GSE1: variants seen among roughly 807,000 people sequenced by gnomAD.
GSE1 encodes genetic suppressor element 1.
A neutral mutation model predicts 112.6 loss-of-function variants in GSE1; 32 were observed. The ratio of observed to expected loss-of-function variants is 0.28; its 90% CI spans 0.21 to 0.38. GSE1 has a LOEUF of 0.38. Ranked by LOEUF, GSE1 falls within the 10% of genes least tolerant of loss-of-function variation. The probability of loss-of-function intolerance (pLI) is 1.00; values close to 1 mark genes in which losing one functional copy is unlikely to be tolerated. For missense variants in GSE1, 2,348 were observed against 1,699.2 expected (o/e 1.38, Z -6.71); for synonymous variants, 1,115 against 735.6 (o/e 1.52, Z -8.35).
upstream of GSE1, among the ~76,000 whole-genome samples, chr16:85,612,368 A>C (rs1017347195): frequency 2.0e-5 from 3 of 151,416 alleles, no homozygotes; most frequent in Non-Finnish European, 4.4e-5. Context: ...ATTCCAGTCA[A>C]GTGCCTGGGT....
chr16:85,246,446 CA>C (rs1905800018), intron 1 of GSE1, among the ~76,000 whole-genome samples: 1 of 76,918 alleles, frequency 1.3e-5, no homozygotes. Context: ...CACACACACA[CA>C]CACACACACA....
chr16:85,473,849 G>T (rs1194740712), intron 2 of GSE1, among the ~76,000 whole-genome samples: 1 of 152,072 alleles, frequency 6.6e-6, no homozygotes, highest in Non-Finnish European at 1.5e-5. Flanking sequence ...GGGGAGCAGG[G>T]CGCTGCAGGG....
rs1460908363 is a variant in GSE1 at position 85,408,749 on chromosome 16, C to T, written c.2464+51106C>T. Among the ~76,000 whole-genome samples, 2 of 62,458 alleles carry T rather than the reference C, an allele frequency of 3.2e-5. 1 individual carries two copies. Among genetic ancestry groups the T allele is most frequent in the Non-Finnish European group, 6.3e-5 (2 of 31,660 alleles). The allele number at this position is 62,458 out of a possible 152,430, so 41.0% of individuals were successfully genotyped here. A position where few individuals can be genotyped will look rare whatever the true frequency, so the allele number is the denominator to read the frequency against. ...ATAATCCTCACTGTCACTCTCAGGC[C>T]CCCCTGGATAATCCTCACTGTTGCA... On this transcript the variant is annotated intron_variant, in intron 2 of 2. Transcript: ENST00000637419.
At chr16:85,476,035 ATTC>A (rs1200803237) in intron 2 of GSE1, among the ~76,000 whole-genome samples, 2 of 152,054 alleles carry the variant, frequency 1.3e-5, no homozygotes, top group Admixed American at 6.6e-5. Flanking sequence ...GGCTAAGATG[ATTC>A]TCCCGCCTCA....
chr16:85,555,851 T>C (rs940651819), upstream of GSE1: 5 of 902,418 alleles, frequency 5.5e-6, no homozygotes, highest in Non-Finnish European at 6.6e-6. Context: ...AAATGAGTAA[T>C]CCCTGAAGAT....
intron 2 of GSE1, among the ~76,000 whole-genome samples, chr16:85,522,073 C>T (rs2052204210): frequency 6.6e-6 from 1 of 152,200 alleles, no homozygotes; most frequent in African/African-American, 2.4e-5. Flanking sequence ...CTTTGGAAGC[C>T]AGGCAGGCAT....
At chr16:85,331,533 A>ATG (rs199539029) in intron 1 of GSE1, among the ~76,000 whole-genome samples, 59,559 of 107,706 alleles carry the variant, frequency 0.55, 15,551 homozygotes, top group East Asian at 0.74. Context: ...ATATGTGTAT[A>ATG]TGTGTATATG....
chr16:85,413,743 G>A (rs550014764), intron 2 of GSE1, among the ~76,000 whole-genome samples: 1 of 152,278 alleles, frequency 6.6e-6, no homozygotes, highest in South Asian at 2.1e-4. Flanking sequence ...CCAGGGCAAG[G>A]AGGGTGATAT....
intron 2 of GSE1, among the ~76,000 whole-genome samples, chr16:85,401,532 C>T (rs930912258): frequency 2.6e-5 from 4 of 152,152 alleles, no homozygotes; most frequent in Non-Finnish European, 4.4e-5. Context: ...GAGAATGAGC[C>T]GGCCCAGAGG....
intron 2 of GSE1, among the ~76,000 whole-genome samples, chr16:85,400,173 A>G (rs945527180): frequency 6.6e-6 from 1 of 152,240 alleles, no homozygotes; most frequent in African/African-American, 2.4e-5. Context: ...ATGATCCGCC[A>G]GACGCCCCAC....
intron 2 of GSE1, among the ~76,000 whole-genome samples, chr16:85,407,917 A>C (rs1399204025): frequency 2.9e-5 from 1 of 34,300 alleles, no homozygotes; most frequent in African/African-American, 1.3e-4. Context: ...GATAATCCTC[A>C]CCGTTACTCT....
At position 85,477,767 on chromosome 16, in the gene GSE1, G is replaced by A. The variant is rs372465595; in HGVS notation, c.2464+120124G>A. On this transcript the variant is annotated intron_variant, in intron 2 of 2. Transcript: ENST00000637419. The stretch of plus-strand genomic sequence containing the variant: ...AGTAGAGACGGGGTTTCACTATGCT[G>A]GCCAGGCTGGTCTCGAACTCCTGAC... Among the ~76,000 whole-genome samples the A allele has an allele frequency of 4.5e-3, 685 of 151,958 alleles. 8 individuals are homozygous for A. The highest frequency in any genetic ancestry group is 0.016 in the African/African-American group (658 of 41,434).
rs117147143 is a variant in GSE1, at chr16:85,233,341, T to C, written c.2283+61534T>C. On this transcript the variant is annotated intron_variant, in intron 1 of 2. Coordinates refer to the GSE1 transcript ENST00000637419. ...CCCAGTGCCTGCTAGGTTGACAGAA[T>C]TGTCACCAAAATCAAGGGTACCTGA... 4.3e-4 allele frequency among the ~76,000 whole-genome samples: 66 copies of C among 152,320 alleles called. 1 individual carries two copies. The East Asian group carries it at 0.012, about 27-fold the overall frequency.
At chr16:85,572,045 A>G (rs1357049560) in intron 1 of GSE1, among the ~76,000 whole-genome samples, 1 of 151,264 alleles carries the variant, frequency 6.6e-6, no homozygotes, top group Non-Finnish European at 1.5e-5. Flanking sequence ...ACACACGTAC[A>G]ACACATACCA....
chr16:85,314,588 AC>A (rs1277726617), intron 1 of GSE1, among the ~76,000 whole-genome samples: 1 of 152,168 alleles, frequency 6.6e-6, no homozygotes, highest in Admixed American at 6.5e-5. Context: ...GTGCACACAC[AC>A]GAACACACCC....
In GSE1 at chr16:85,579,592, C is replaced by T. The variant is rs1484536493; in HGVS notation, c.37+23229C>T. ...GCCAGCAGGGTCGATCCTGAGGGGC[C>T]TGGGGGATTCCCCAGACCTACGCCT... On this transcript the variant is annotated intron_variant, in intron 1 of 2. Transcript: ENST00000635906. 2.0e-5 allele frequency among the ~76,000 whole-genome samples: 3 copies of T among 152,296 alleles called. No homozygotes were observed. The South Asian group carries it at 6.2e-4, about 32-fold the overall frequency.
At chr16:85,594,863 T>G (rs2047155286) in intron 1 of GSE1, 1 of 152,460 alleles carries the variant, frequency 6.6e-6, no homozygotes, top group Non-Finnish European at 1.5e-5. Flanking sequence ...CCGCTCACCT[T>G]GGGCATCATT....
At chr16:85,308,668 A>G (rs1443980988) in intron 1 of GSE1, among the ~76,000 whole-genome samples, 1 of 152,028 alleles carries the variant, frequency 6.6e-6, no homozygotes, top group Non-Finnish European at 1.5e-5. Flanking sequence ...AGAAGAACAT[A>G]TATTTTTAAA....
At chr16:85,213,081 C>T (rs908929086) in intron 1 of GSE1, among the ~76,000 whole-genome samples, 13 of 151,918 alleles carry the variant, frequency 8.6e-5, no homozygotes, top group African/African-American at 1.2e-4. Flanking sequence ...CCATCCTGGC[C>T]AACATGGTGA....
Sources: gnomAD v4.1 joint callset for allele counts (sites outside exome capture counted in the v4.1 genomes callset) on GRCh38, gnomAD v4.1.1 for gene constraint, MANE v1.5 for transcripts, NCBI Gene and HGNC (gene_info 2026-07-23, HGNC 2026-07-21) for gene names.